LAMA1: variants seen among roughly 807,000 people sequenced by gnomAD.
The protein encoded by LAMA1 is laminin subunit alpha-1.
In LAMA1, 219 loss-of-function variants were observed where a neutral mutation model predicts 348.7. That is an observed-to-expected ratio of 0.63 (90% CI 0.56 to 0.70). The LOEUF is 0.70. Ranked by LOEUF, LAMA1 falls within the 30% of genes least tolerant of loss-of-function variation. The probability of loss-of-function intolerance (pLI) is 0.00; values close to 1 mark genes in which losing one functional copy is unlikely to be tolerated. For synonymous variants in LAMA1, 1,487 were observed against 1,491.0 expected (o/e 1.00, Z 0.06); for missense variants, 3,744 against 3,888.0 (o/e 0.96, Z 0.99).
rs777388554 is a variant in LAMA1, at chr18:6,980,603, C to G, written c.5925G>C (p.Lys1975Asn). 1 of 1,613,058 alleles carries G rather than the reference C, an allele frequency of 6.2e-7. No individual in the cohort carries two copies. Among genetic ancestry groups the G allele is most frequent in the Admixed American group, 1.7e-5 (1 of 60,018 alleles). ...CAGCATTCTCTTGAAATCTGTTTGT[C>G]TTATTTCTCAATTCACTCAGTTCCA... ...IALELSELRN[K>N]TNRFQENAVE... Residue 1975 changes from lysine to asparagine, a missense_variant, in exon 42 of 63, where the codon AAG becomes AAC. By Grantham distance (94) the Lys-to-Asn change is moderately conservative. Transcript: ENST00000389658.
At chr18:6,993,304 T>C (rs1475856802) in intron 35 of LAMA1, among the ~76,000 whole-genome samples, 1 of 152,164 alleles carries the variant, frequency 6.6e-6, no homozygotes, top group Non-Finnish European at 1.5e-5. Context: ...TGGATATACT[T>C]GGTACCTAAC....
chr18:7,052,789 T>C (rs999345129), intron 3 of LAMA1, among the ~76,000 whole-genome samples: 3 of 151,508 alleles, frequency 2.0e-5, no homozygotes, highest in African/African-American at 7.3e-5. Context: ...TTTGGGAGAC[T>C]GAGAGTGAAT....
At chr18:6,974,296 A>G (rs1248282808) in intron 46 of LAMA1, among the ~76,000 whole-genome samples, 4 of 152,002 alleles carry the variant, frequency 2.6e-5, no homozygotes, top group Admixed American at 1.3e-4. Flanking sequence ...CTGAGGTGCA[A>G]AATGTTGTTA....
intron 36 of LAMA1, among the ~76,000 whole-genome samples, 193 bp from the exon 37 acceptor site, chr18:6,986,540 C>G (rs1054875441): frequency 1.6e-5 from 2 of 125,060 alleles, no homozygotes; most frequent in Non-Finnish European, 3.2e-5. Flanking sequence ...TATATTTTAT[C>G]CTTAACAAAT....
At chr18:7,105,441 AAAATAAATAAATAAATAAAT>A (rs762965770) in intron 1 of LAMA1, among the ~76,000 whole-genome samples, 22 of 144,366 alleles carry the variant, frequency 1.5e-4, no homozygotes, top group South Asian at 8.9e-4. Context: ...TTCATCTCAA[AAAATAAATAAATAAATAAAT>A]AAATAAATAA....
Position 6,980,638 on chromosome 18 carries a change from C to T in LAMA1, c.5891-1G>A, listed in dbSNP as rs2057707217. The stretch of plus-strand genomic sequence containing the variant: ...AATTCACTCAGTTCCAATGCAATAC[C>T]TATTTAAAGGGAGAAAAATGTTTCC... On this transcript the variant is annotated splice_acceptor_variant, in intron 41 of 62. Coordinates refer to ENST00000389658, the MANE Select transcript of LAMA1 (RefSeq NM_005559.4). LOFTEE classifies it high-confidence loss of function. The T allele has an allele frequency of 6.4e-7, 1 of 1,571,652 alleles. No individual in the cohort carries two copies.
At chr18:7,005,232 T>A (rs950240692) in intron 29 of LAMA1, among the ~76,000 whole-genome samples, 2 of 152,176 alleles carry the variant, frequency 1.3e-5, no homozygotes, top group Admixed American at 1.3e-4. Flanking sequence ...TCTGTTAAGA[T>A]CCCATCACTT....
At chr18:7,105,795 CA>C (rs1178236401) in intron 1 of LAMA1, among the ~76,000 whole-genome samples, 17 of 152,166 alleles carry the variant, frequency 1.1e-4, no homozygotes, top group Non-Finnish European at 4.4e-5. Context: ...GACTTTATCC[CA>C]AAACTTGAGG....
At chr18:7,038,485 G>C (rs1394957287) in intron 11 of LAMA1, 1 of 400,582 alleles carries the variant, frequency 2.5e-6, no homozygotes, top group African/African-American at 2.1e-5. Flanking sequence ...TGGGCTCCCA[G>C]GCCTGAGAGC....
At chr18:7,098,651 G>C (rs1416529278) in intron 1 of LAMA1, among the ~76,000 whole-genome samples, 3 of 149,480 alleles carry the variant, frequency 2.0e-5, no homozygotes, top group East Asian at 2.0e-4. Context: ...CTCTCCGACC[G>C]GCAGCCACCC....
intron 3 of LAMA1, among the ~76,000 whole-genome samples, chr18:7,074,731 G>C (rs770122908): frequency 2.0e-5 from 3 of 152,042 alleles, no homozygotes; most frequent in Non-Finnish European, 4.4e-5. Context: ...GATACTGCTA[G>C]ATATCTGACA....
In LAMA1 at chr18:6,950,972, C is replaced by A. The variant is rs777518211; in HGVS notation, c.8208-1G>T. The A allele has an allele frequency of 6.2e-7, 1 of 1,613,190 alleles. No individual in the cohort carries two copies. Among genetic ancestry groups the A allele is most frequent in the Non-Finnish European group, 8.5e-7 (1 of 1,179,774 alleles). On this transcript the variant is annotated splice_acceptor_variant, in intron 57 of 62. Coordinates refer to ENST00000389658, the MANE Select transcript of LAMA1 (RefSeq NM_005559.4). LOFTEE classifies it high-confidence loss of function. ...GCGGATGCTTAGCTCAACCGAGAGCCTGGGGAAAACAAGTGCTCAGCGTTG... is the reference window on the plus strand; with the variant it reads ...GCGGATGCTTAGCTCAACCGAGAGCATGGGGAAAACAAGTGCTCAGCGTTG...
intron 47 of LAMA1, 32 bp from the exon 48 acceptor site, chr18:6,972,013 T>C: frequency 6.2e-7 from 1 of 1,611,804 alleles, no homozygotes; most frequent in Non-Finnish European, 8.5e-7. Context: ...ACATAACCAA[T>C]ATATAAGCTG....
At chr18:7,018,281 A>C (rs1462381510) in intron 19 of LAMA1, among the ~76,000 whole-genome samples, 1 of 139,574 alleles carries the variant, frequency 7.2e-6, no homozygotes, top group African/African-American at 2.7e-5. Context: ...GGTTGCAGTG[A>C]GCCAAGATCA....
intron 1 of LAMA1, among the ~76,000 whole-genome samples, chr18:7,084,098 A>AAAAAT: frequency 6.7e-6 from 1 of 148,286 alleles, no homozygotes. Context: ...AAAAAAAAAA[A>AAAAAT]AGCGGCGGTG....
intron 32 of LAMA1, 36 bp from the exon 33 acceptor site, chr18:6,997,920 T>C: frequency 6.2e-7 from 1 of 1,603,186 alleles, no homozygotes; most frequent in Non-Finnish European, 8.5e-7. Context: ...GAGTTAAAGT[T>C]AATGCGATGT....
intron 49 of LAMA1, 120 bp from the exon 50 acceptor site, chr18:6,965,552 A>G: frequency 1.7e-6 from 2 of 1,167,206 alleles, no homozygotes; most frequent in Admixed American, 1.7e-5. Flanking sequence ...ATCTGGCCCC[A>G]CAGCCAGAGG....
chr18:7,092,212 T>C (rs1411087369), intron 1 of LAMA1, among the ~76,000 whole-genome samples: 5 of 152,188 alleles, frequency 3.3e-5, no homozygotes, highest in African/African-American at 9.7e-5. Flanking sequence ...CCTGGTAGTT[T>C]TTCTCTTTTT....
At chr18:7,115,586 G>A (rs1325268873) in intron 1 of LAMA1, among the ~76,000 whole-genome samples, 1 of 151,582 alleles carries the variant, frequency 6.6e-6, no homozygotes, top group Admixed American at 6.6e-5. Context: ...TAACTAGCAG[G>A]TGATTTGCAG....
Sources: gnomAD v4.1 joint callset for allele counts (sites outside exome capture counted in the v4.1 genomes callset) on GRCh38, gnomAD v4.1.1 for gene constraint, MANE v1.5 for transcripts, NCBI Gene and HGNC (gene_info 2026-07-23, HGNC 2026-07-21) for gene names.